The following PCCA variants were observed in gnomAD, a reference collection of about 807,000 sequenced individuals.
PCCA encodes propionyl-CoA carboxylase alpha chain, mitochondrial.
In PCCA, 74 loss-of-function variants were observed where a neutral mutation model predicts 101.3. That is an observed-to-expected ratio of 0.73 (90% CI 0.61 to 0.89). PCCA has a LOEUF of 0.89. PCCA is among the 40% of genes least tolerant of loss of function. The pLI is 0.00. For missense variants in PCCA, 891 were observed against 907.0 expected (o/e 0.98, Z 0.23); for synonymous variants, 294 against 313.6 (o/e 0.94, Z 0.66).
chr13:100,393,095 A>G (rs181621120), intron 19 of PCCA, among the ~76,000 whole-genome samples: 1 of 152,340 alleles, frequency 6.6e-6, no homozygotes, highest in African/African-American at 2.4e-5. Context: ...CTCTCTATGT[A>G]TGTTGAAAAG....
chr13:100,268,340 C>T (rs970358998), intron 10 of PCCA, among the ~76,000 whole-genome samples: 2 of 152,118 alleles, frequency 1.3e-5, no homozygotes, highest in Non-Finnish European at 2.9e-5. Flanking sequence ...AATAAAGCTG[C>T]GGTGGCACTC....
intron 6 of PCCA, among the ~76,000 whole-genome samples, chr13:100,186,881 T>C (rs150659540): frequency 6.6e-6 from 1 of 152,310 alleles, no homozygotes; most frequent in African/African-American, 2.4e-5. Context: ...TATATGCCAA[T>C]TGAGAATTGT....
chr13:100,477,308 T>G (rs2083489712), intron 21 of PCCA: 1 of 152,230 alleles, frequency 6.6e-6, no homozygotes, highest in Admixed American at 6.5e-5. Context: ...ATTTCACACC[T>G]AAGAGTAAAG....
intron 16 of PCCA, among the ~76,000 whole-genome samples, chr13:100,312,063 A>G (rs1459116243): frequency 6.6e-6 from 1 of 152,196 alleles, no homozygotes; most frequent in East Asian, 1.9e-4. Context: ...GTTTGTATGC[A>G]TATTGCTGGT....
chr13:100,191,575 C>G (rs1370072449), intron 6 of PCCA, among the ~76,000 whole-genome samples: 1 of 152,218 alleles, frequency 6.6e-6, no homozygotes, highest in Non-Finnish European at 1.5e-5. Flanking sequence ...AAGGCAGGCT[C>G]CACAGTCCCT....
Position 100,155,069 on chromosome 13 carries a change from A to C in PCCA, c.391A>C (p.Ile131Leu), listed in dbSNP as rs759924381. 3 of 1,613,674 alleles carry C rather than the reference A, an allele frequency of 1.9e-6. No individual in the cohort carries two copies. The highest frequency in any genetic ancestry group is 2.5e-6 in the Non-Finnish European group (3 of 1,179,582). Residue 131 changes from isoleucine to leucine, a missense_variant, in exon 5 of 24, where the codon ATT becomes CTT. Transcript: ENST00000376285. ...YLNMDAIMEAIKKTRAQAVHP... is the reference protein window; with the variant it reads ...YLNMDAIMEALKKTRAQAVHP... ...CAACATGGATGCCATCATGGAAGCC[A>C]TTAAGAAAACCAGGGCCCAAGCTGT...
At chr13:100,459,849 G>T (rs1301278317) in intron 21 of PCCA, among the ~76,000 whole-genome samples, 3 of 152,202 alleles carry the variant, frequency 2.0e-5, no homozygotes, top group Non-Finnish European at 4.4e-5. Flanking sequence ...CCTGGTGAGG[G>T]CCCTCTTCCT....
At chr13:100,318,906 C>T (rs1185600061) in intron 16 of PCCA, among the ~76,000 whole-genome samples, 4 of 152,130 alleles carry the variant, frequency 2.6e-5, no homozygotes, top group Non-Finnish European at 5.9e-5. Context: ...TGAAGAATTG[C>T]CACACTGACT....
intron 17 of PCCA, among the ~76,000 whole-genome samples, chr13:100,338,342 G>A (rs976105055): frequency 5.3e-5 from 8 of 152,030 alleles, no homozygotes; most frequent in African/African-American, 1.7e-4. Context: ...AATCCATTAC[G>A]TGTTGACATG....
At chr13:100,332,190 G>A (rs903581750) in intron 17 of PCCA, among the ~76,000 whole-genome samples, 2 of 151,960 alleles carry the variant, frequency 1.3e-5, no homozygotes, top group South Asian at 2.1e-4. Flanking sequence ...TGCCCGCCTC[G>A]GCCTCCCAAA....
chr13:100,090,521 T>C (rs2046181996), intron 1 of PCCA, among the ~76,000 whole-genome samples: 1 of 152,190 alleles, frequency 6.6e-6, no homozygotes, highest in Non-Finnish European at 1.5e-5. Context: ...GCTTCGTCCT[T>C]GTAGCTATTT....
intron 22 of PCCA, among the ~76,000 whole-genome samples, chr13:100,517,362 C>G (rs917476354): frequency 1.3e-5 from 2 of 152,156 alleles, no homozygotes; most frequent in Non-Finnish European, 2.9e-5. Context: ...AAGGGTTTGG[C>G]CTTTGTACGT....
At chr13:100,495,102 G>A (rs1566455516) in intron 21 of PCCA, among the ~76,000 whole-genome samples, 1 of 151,942 alleles carries the variant, frequency 6.6e-6, no homozygotes, top group South Asian at 2.1e-4. Flanking sequence ...TCACAGCTGG[G>A]AGGGAGTGCT....
chr13:100,302,067 T>C (rs2066103792), intron 13 of PCCA, among the ~76,000 whole-genome samples: 1 of 152,192 alleles, frequency 6.6e-6, no homozygotes, highest in South Asian at 2.1e-4. Flanking sequence ...TCTCCTTTAT[T>C]ATTACATAAA....
chr13:100,164,621 TAA>T (rs1194892450), intron 6 of PCCA, among the ~76,000 whole-genome samples: 1 of 152,252 alleles, frequency 6.6e-6, no homozygotes, highest in African/African-American at 2.4e-5. Context: ...CAGTTGAAAT[TAA>T]GACTCATTTT....
At chr13:100,114,640 CAAAAG>C (rs1180125443) in intron 4 of PCCA, among the ~76,000 whole-genome samples, 2 of 151,960 alleles carry the variant, frequency 1.3e-5, no homozygotes, top group African/African-American at 4.8e-5. Context: ...AGTCATTTCT[CAAAAG>C]AAGACATACA....
At chr13:100,524,986 T>TGG (rs1555330340) in intron 22 of PCCA, among the ~76,000 whole-genome samples, 15,743 of 114,944 alleles carry the variant, frequency 0.14, 905 homozygotes, top group East Asian at 0.25. Flanking sequence ...CTAAGATGGA[T>TGG]AGATAGATAG....
chr13:100,381,009 G>A (rs911305815), intron 19 of PCCA, among the ~76,000 whole-genome samples: 1 of 152,160 alleles, frequency 6.6e-6, no homozygotes, highest in African/African-American at 2.4e-5. Context: ...AGGCATGGAG[G>A]GATCCAGATG....
intron 21 of PCCA, chr13:100,489,926 C>T (rs750957927): frequency 2.6e-5 from 4 of 152,198 alleles, no homozygotes; most frequent in Non-Finnish European, 4.4e-5. Context: ...GTAACTGTTT[C>T]TGTGTTCTAG....
Sources: gnomAD v4.1 joint callset for allele counts (sites outside exome capture counted in the v4.1 genomes callset) on GRCh38, gnomAD v4.1.1 for gene constraint, MANE v1.5 for transcripts, NCBI Gene and HGNC (gene_info 2026-07-23, HGNC 2026-07-21) for gene names.